The following POLDIP3 variants were observed in gnomAD, a reference collection of about 807,000 sequenced individuals.
POLDIP3 encodes the protein polymerase delta-interacting protein 3.
POLDIP3 carries 14 observed loss-of-function variants against 45.1 expected under a neutral mutation model. That is an observed-to-expected ratio of 0.31 (90% CI 0.20 to 0.49). POLDIP3 has a LOEUF of 0.49. Ranked by LOEUF, POLDIP3 falls within the 20% of genes least tolerant of loss-of-function variation. The probability of loss-of-function intolerance (pLI) is 0.99; values close to 1 mark genes in which losing one functional copy is unlikely to be tolerated. For synonymous variants in POLDIP3, 223 were observed against 205.2 expected, an observed-to-expected ratio of 1.09 and a Z score of -0.74; for missense variants, 511 against 538.8, an observed-to-expected ratio of 0.95 and a Z score of 0.51.
chr22:42,592,179 C>T (rs1925708695), intron 6 of POLDIP3, 95 bp from the exon 7 acceptor site: 2 of 1,549,516 alleles, frequency 1.3e-6, no homozygotes, highest in Middle Eastern at 2.2e-4. Flanking sequence ...GGTTCCGCTG[C>T]AGCTAAATGC....
intron 4 of POLDIP3, among the ~76,000 whole-genome samples, 176 bp from the exon 5 acceptor site, chr22:42,596,541 G>C (rs1926006263): frequency 6.6e-6 from 1 of 152,160 alleles, no homozygotes; most frequent in Non-Finnish European, 1.5e-5. Flanking sequence ...CCATAGGGAA[G>C]GGGCAGGGGG....
At chr22:42,589,194 G>A (rs904161413) in intron 7 of POLDIP3, among the ~76,000 whole-genome samples, 12 of 148,304 alleles carry the variant, frequency 8.1e-5, no homozygotes, top group Non-Finnish European at 1.5e-4. Context: ...AGTGAGCCAA[G>A]ATCATGCCAC....
At position 42,599,767 on chromosome 22, in the gene POLDIP3, A is replaced by T. The variant is rs1415114141; in HGVS notation, c.564T>A (p.Asp188Glu). ...KQNLYDLDED[D>E]DGIASVPTKQ... ...TAGTAGGAACGGAAGCTATACCATC[A>T]TCATCTTCATCCAGGTCATATAAAT... The change falls in exon 4 of 9, where the codon GAT (aspartate) becomes GAA (glutamate). Residue 188 changes from aspartate to glutamate, a missense_variant. Asp to Glu is a conservative substitution (Grantham distance 45). Coordinates refer to ENST00000252115, the MANE Select transcript of POLDIP3 (RefSeq NM_032311.5). The T allele has an allele frequency of 6.2e-7, 1 of 1,611,240 alleles. No homozygotes were observed. Among genetic ancestry groups the T allele is most frequent in the Non-Finnish European group, 8.5e-7 (1 of 1,177,730 alleles).
In POLDIP3 at chr22:42,602,905, G is replaced by C; in HGVS notation, c.315C>G (p.Thr105=). 6.2e-7 allele frequency: 1 copy of C among 1,614,078 alleles called. No homozygotes were observed. The highest frequency in any genetic ancestry group is 8.5e-7 in the Non-Finnish European group (1 of 1,180,010). ...REMLNSRKQQ[T]TVPQKPRQVA... ...CCTGGCGGGGCTTCTGGGGCACCGT[G>C]GTCTGCTGCTTGCGAGAGTTCAACA... The change falls in exon 2 of 9, where the codon ACC becomes ACG. Residue 105 remains threonine (T), a synonymous_variant. Transcript: ENST00000252115.
rs1235527218 is a variant in POLDIP3, at chr22:42,585,843, G to A, written c.1214C>T (p.Ser405Phe). The A allele has an allele frequency of 6.2e-7, 1 of 1,613,148 alleles. No homozygotes were observed. Among genetic ancestry groups the A allele is most frequent in the African/African-American group, 1.3e-5 (1 of 74,996 alleles). ...PDTILKALFK[S>F]SGASVTTQPT... ...CTGCGTGGTCACAGAGGCCCCTGAG[G>A]ACTTGAAGAGTGCCTTCAGGATGGT... Residue 405 changes from serine (S) to phenylalanine (F), a missense_variant, in exon 9 of 9, where the codon TCC (serine) becomes TTC (phenylalanine). Physicochemically the swap from Ser to Phe is radical, Grantham distance 155. Transcript: ENST00000252115.
At chr22:42,599,621 C>A in intron 4 of POLDIP3, 77 bp downstream of exon 4, 5 of 1,122,810 alleles carry the variant, frequency 4.5e-6, no homozygotes, top group African/African-American at 1.6e-5. Flanking sequence ...ACAAAAAAAA[C>A]AACAGGTTCT....
chr22:42,610,841 G>C (rs1927075709), intron 1 of POLDIP3, among the ~76,000 whole-genome samples: 1 of 152,220 alleles, frequency 6.6e-6, no homozygotes, highest in Admixed American at 6.5e-5. Flanking sequence ...AGGAGGCAGA[G>C]GTTGGAGTGA....
Position 42,597,017 on chromosome 22 carries a change from C to T in POLDIP3, c.634-652G>A, listed in dbSNP as rs563788171. Among the ~76,000 whole-genome samples, 675 of 152,272 alleles carry T rather than the reference C, an allele frequency of 4.4e-3. 5 individuals are homozygous for T. Among genetic ancestry groups the T allele is most frequent in the African/African-American group, 0.016 (665 of 41,550 alleles). On this transcript the variant is annotated intron_variant, in intron 4 of 8. Coordinates refer to ENST00000252115, the MANE Select transcript of POLDIP3 (RefSeq NM_032311.5). ...GCTTCTATCACAATGTGCTGATCACCACTCTTAAGAAGGCCCAGAATTCAG... is the reference window on the plus strand; with the variant it reads ...GCTTCTATCACAATGTGCTGATCACTACTCTTAAGAAGGCCCAGAATTCAG...
chr22:42,606,360 T>C (rs1253693456), intron 1 of POLDIP3, among the ~76,000 whole-genome samples: 1 of 151,278 alleles, frequency 6.6e-6, no homozygotes, highest in Admixed American at 6.6e-5. Flanking sequence ...CTGGGCATGG[T>C]GGCTCACACC....
chr22:42,600,997 A>G (rs975944590), intron 3 of POLDIP3, among the ~76,000 whole-genome samples: 1 of 152,022 alleles, frequency 6.6e-6, no homozygotes, highest in Admixed American at 6.6e-5. Flanking sequence ...CAGGAGGCTG[A>G]GGTGGGAGGA....
intron 7 of POLDIP3, among the ~76,000 whole-genome samples, chr22:42,587,890 T>C (rs1216691027): frequency 1.3e-5 from 2 of 152,230 alleles, no homozygotes; most frequent in African/African-American, 4.8e-5. Flanking sequence ...AAAAGGTTTA[T>C]GCTATCAAAT....
intron 1 of POLDIP3, among the ~76,000 whole-genome samples, chr22:42,608,177 T>C (rs1454788862): frequency 1.3e-5 from 2 of 152,008 alleles, no homozygotes; most frequent in African/African-American, 4.8e-5. Context: ...TAGAAAGAAG[T>C]AGACGTGGGA....
intron 1 of POLDIP3, among the ~76,000 whole-genome samples, chr22:42,614,409 C>CT (rs1267979836): frequency 6.6e-6 from 1 of 152,228 alleles, no homozygotes; most frequent in Non-Finnish European, 1.5e-5. Context: ...GTTGTCTCAA[C>CT]TCTAAGATGG....
At chr22:42,588,456 C>CAAAAAAA (rs137093) in intron 7 of POLDIP3, among the ~76,000 whole-genome samples, 1 of 101,488 alleles carries the variant, frequency 9.9e-6, no homozygotes, top group African/African-American at 3.2e-5. Flanking sequence ...GACTCCACCT[C>CAAAAAAA]AAAAAAAAAA....
intron 7 of POLDIP3, among the ~76,000 whole-genome samples, chr22:42,591,116 A>C (rs1925643955): frequency 6.6e-6 from 1 of 151,580 alleles, no homozygotes; most frequent in Non-Finnish European, 1.5e-5. Context: ...AATAAAAAAA[A>C]GAAAGAAAAA....
At chr22:42,601,034 G>A (rs1191855435) in intron 3 of POLDIP3, among the ~76,000 whole-genome samples, 1 of 151,936 alleles carries the variant, frequency 6.6e-6, no homozygotes, top group Non-Finnish European at 1.5e-5. Flanking sequence ...ACTCAAGGCT[G>A]CAGTGAGCCA....
Position 42,614,835 on chromosome 22 carries a change from T to G in POLDIP3, c.23A>C (p.Glu8Ala). The G allele has an allele frequency of 6.2e-7, 1 of 1,614,030 alleles. No homozygotes were observed. The highest frequency in any genetic ancestry group is 8.5e-7 in the Non-Finnish European group (1 of 1,179,950). The change falls in exon 1 of 9, where the codon GAA (glutamate) becomes GCA (alanine). Residue 8 changes from glutamate (E) to alanine (A), a missense_variant. By Grantham distance (107) the Glu-to-Ala change is moderately radical. This residue lies in a region of POLDIP3 where 378 missense variants were observed against 352.3 expected (regional missense o/e 1.07). Coordinates refer to ENST00000252115, the MANE Select transcript of POLDIP3 (RefSeq NM_032311.5). MADISLD[E>A]LIRKRGAAAK... The stretch of plus-strand genomic sequence containing the variant: ...CGCCGCCCCGCGCTTCCTGATGAGT[T>G]CGTCCAGGGAGATGTCCGCCATCTT...
chr22:42,597,844 A>T (rs1000105175), intron 4 of POLDIP3: 5 of 423,138 alleles, frequency 1.2e-5, no homozygotes, highest in African/African-American at 2.2e-5. Flanking sequence ...GCAGTGGCGC[A>T]ATCTTGGCTC....
intron 4 of POLDIP3, among the ~76,000 whole-genome samples, chr22:42,597,170 T>C (rs763033316): frequency 3.9e-5 from 6 of 152,284 alleles, no homozygotes; most frequent in Middle Eastern, 3.4e-3. Flanking sequence ...CATCTGGATG[T>C]GGTCCCTTGG....
Sources: gnomAD v4.1 joint callset for allele counts (sites outside exome capture counted in the v4.1 genomes callset) on GRCh38, gnomAD v4.1.1 for gene constraint, gnomAD v4.1.1 regional missense constraint, MANE v1.5 for transcripts, NCBI Gene and HGNC (gene_info 2026-07-23, HGNC 2026-07-21) for gene names.